SMIM7: variants seen among roughly 807,000 people sequenced by gnomAD.
SMIM7 encodes small integral membrane protein 7.
In SMIM7, 12 loss-of-function variants were observed where a neutral mutation model predicts 13.3. That is an observed-to-expected ratio of 0.90 (90% CI 0.58 to 1.46). The LOEUF (loss-of-function observed/expected upper bound fraction) is 1.46, where lower values mean the gene tolerates loss of function less well. SMIM7 is among the 40% of genes most tolerant of loss of function. The pLI is 0.00. For synonymous variants in SMIM7, 36 were observed against 35.8 expected, an observed-to-expected ratio of 1.01 and a Z score of -0.02; for missense variants, 114 against 94.8, an observed-to-expected ratio of 1.20 and a Z score of -0.84.
intron 3 of SMIM7, among the ~76,000 whole-genome samples, chr19:16,658,535 C>T (rs1364178111): frequency 1.3e-5 from 2 of 152,192 alleles, no homozygotes; most frequent in African/African-American, 4.8e-5. Flanking sequence ...TCCTCAGAGT[C>T]CTTCTCAACT....
At chr19:16,651,650 A>G (rs2086526904) in intron 4 of SMIM7, among the ~76,000 whole-genome samples, 1 of 152,194 alleles carries the variant, frequency 6.6e-6, no homozygotes, top group Non-Finnish European at 1.5e-5. Context: ...GACGAGAATG[A>G]GAGAAGCACA....
At chr19:16,631,124 T>A (rs2086318672) in exon 5 of SMIM7, 2 of 152,014 alleles carry the variant, frequency 1.3e-5, no homozygotes, top group South Asian at 4.1e-4. Context: ...GTGGCTCACA[T>A]CTATAATCCC....
rs557088147 is a variant in SMIM7 at position 16,647,175 on chromosome 19, A to G, written c.*71T>C. 5.3e-5 allele frequency: 84 copies of G among 1,599,014 alleles called. No individual in the cohort carries two copies. The South Asian group carries it at 9.0e-4, about 17-fold the overall frequency. ...GGTTTTCTGGTCAAAAACATTCTTGAAGTCATCAGGAATGGAGGAATGGAG... is the reference window on the plus strand; with the variant it reads ...GGTTTTCTGGTCAAAAACATTCTTGGAGTCATCAGGAATGGAGGAATGGAG... On this transcript the variant is annotated 3_prime_UTR_variant, in exon 5 of 5. Coordinates refer to ENST00000487416, the MANE Select transcript of SMIM7 (RefSeq NM_024104.4).
At chr19:16,655,947 C>G (rs187252662) in intron 3 of SMIM7, among the ~76,000 whole-genome samples, 1 of 152,208 alleles carries the variant, frequency 6.6e-6, no homozygotes, top group African/African-American at 2.4e-5. Flanking sequence ...AACCTGTATA[C>G]AGGGCTGATC....
chr19:16,631,587 T>C (rs1297713486), exon 5 of SMIM7: 1 of 152,102 alleles, frequency 6.6e-6, no homozygotes, highest in Admixed American at 6.6e-5. Flanking sequence ...GGAACCGGGA[T>C]ATTCAAGAGC....
downstream of SMIM7, among the ~76,000 whole-genome samples, chr19:16,642,823 CTT>C (rs11323250): frequency 2.2e-4 from 29 of 133,484 alleles, no homozygotes; most frequent in South Asian, 7.2e-4. Context: ...GAGACCTTAT[CTT>C]TTTTTTTTTT....
Position 16,646,830 on chromosome 19 carries a change from A to T in SMIM7, c.*416T>A. 4.2e-6 allele frequency: 1 copy of T among 238,180 alleles called. No homozygotes were observed. The highest frequency in any genetic ancestry group is 8.5e-6 in the Non-Finnish European group (1 of 117,990). The allele number at this position is 238,180 out of a possible 1,614,324, so 14.8% of individuals were successfully genotyped here. ...TGGGATGTGAAAGCAGTTTGTTAACAGGGCCCCTGGCCGGGCCCAGAGGCT... is the reference window on the plus strand; with the variant it reads ...TGGGATGTGAAAGCAGTTTGTTAACTGGGCCCCTGGCCGGGCCCAGAGGCT... On this transcript the variant is annotated 3_prime_UTR_variant, in exon 5 of 5. Coordinates refer to ENST00000487416, the MANE Select transcript of SMIM7 (RefSeq NM_024104.4).
chr19:16,635,234 A>C (rs1164402456), intron 4 of SMIM7: 1 of 151,878 alleles, frequency 6.6e-6, no homozygotes, highest in Non-Finnish European at 1.5e-5. Flanking sequence ...ATGGTGGTAC[A>C]TGCCTGTAAT....
intron 4 of SMIM7, among the ~76,000 whole-genome samples, chr19:16,650,158 CTCT>C (rs2122524731): frequency 6.6e-6 from 1 of 152,112 alleles, no homozygotes; most frequent in East Asian, 1.9e-4. Flanking sequence ...CTAACTTTTC[CTCT>C]TGTTATTTTA....
At chr19:16,648,663 T>C (rs2086480359) in intron 4 of SMIM7, among the ~76,000 whole-genome samples, 1 of 152,142 alleles carries the variant, frequency 6.6e-6, no homozygotes, top group African/African-American at 2.4e-5. Context: ...GGCCAATAGG[T>C]ACATGAAAAT....
At chr19:16,652,861 C>CAAA (rs2086546221) in intron 4 of SMIM7, 3 of 1,549,732 alleles carry the variant, frequency 1.9e-6, no homozygotes. Context: ...CGTGTCTTTT[C>CAAA]CTAAATCCAT....
rs1427916865 is a variant in SMIM7, at chr19:16,646,182, C to T, written c.*1064G>A. 1 of 151,802 alleles carries T rather than the reference C, an allele frequency of 6.6e-6. No individual in the cohort carries two copies. The highest frequency in any genetic ancestry group is 1.5e-5 in the Non-Finnish European group (1 of 67,986). The allele number at this position is 151,802 out of a possible 1,614,324, so 9.4% of individuals were successfully genotyped here. A position where few individuals can be genotyped will look rare whatever the true frequency, so the allele number is the denominator to read the frequency against. ...GAAATGAGGTTTATTTTCAAGGCTACTCAGTCCTAAAAGCCTGCATATTTA... is the reference window on the plus strand; with the variant it reads ...GAAATGAGGTTTATTTTCAAGGCTATTCAGTCCTAAAAGCCTGCATATTTA... On this transcript the variant is annotated 3_prime_UTR_variant, in exon 5 of 5. Coordinates refer to ENST00000487416, the MANE Select transcript of SMIM7 (RefSeq NM_024104.4).
At chr19:16,659,938 G>C (rs1300487534) in intron 2 of SMIM7, 21 bp downstream of exon 2, 1 of 1,605,206 alleles carries the variant, frequency 6.2e-7, no homozygotes, top group Non-Finnish European at 8.5e-7. Context: ...TGGAGCCGCA[G>C]TCCGGCCGCG....
At chr19:16,653,219 G>C (rs963897933) in intron 4 of SMIM7, among the ~76,000 whole-genome samples, 1 of 152,164 alleles carries the variant, frequency 6.6e-6, no homozygotes, top group Non-Finnish European at 1.5e-5. Context: ...GTTCCAGCCC[G>C]GTTTGGTGGG....
chr19:16,631,617 C>T (rs1375264826), exon 5 of SMIM7: 1 of 152,152 alleles, frequency 6.6e-6, no homozygotes, highest in Non-Finnish European at 1.5e-5. Flanking sequence ...GAAGCCGTGA[C>T]GAGGCAGGTT....
intron 4 of SMIM7, among the ~76,000 whole-genome samples, chr19:16,639,475 A>AC (rs2086389203): frequency 1.3e-5 from 2 of 152,304 alleles, no homozygotes; most frequent in African/African-American, 4.8e-5. Context: ...AAACTTTTCC[A>AC]TAAAGGGTCA....
downstream of SMIM7, among the ~76,000 whole-genome samples, chr19:16,641,656 T>G (rs574250848): frequency 3.9e-5 from 6 of 152,176 alleles, no homozygotes; most frequent in East Asian, 9.6e-4. Flanking sequence ...TGGAGTGCAG[T>G]GGAAAAATCT....
At chr19:16,650,430 T>C (rs1320905639) in intron 4 of SMIM7, among the ~76,000 whole-genome samples, 3 of 152,130 alleles carry the variant, frequency 2.0e-5, no homozygotes, top group South Asian at 2.1e-4. Flanking sequence ...CACAGGGAGA[T>C]TGGGCACGGT....
intron 4 of SMIM7, among the ~76,000 whole-genome samples, chr19:16,638,487 T>C (rs2086378169): frequency 6.6e-6 from 1 of 151,628 alleles, no homozygotes; most frequent in Admixed American, 6.6e-5. Flanking sequence ...TAATTTTTTT[T>C]AGTAGAGACA....
Sources: gnomAD v4.1 joint callset for allele counts (sites outside exome capture counted in the v4.1 genomes callset) on GRCh38, gnomAD v4.1.1 for gene constraint, MANE v1.5 for transcripts, NCBI Gene and HGNC (gene_info 2026-07-23, HGNC 2026-07-21) for gene names.